The following FRMPD4 variants were observed in gnomAD, a reference collection of about 807,000 sequenced individuals.
FRMPD4 encodes FERM and PDZ domain containing 4.
Under a neutral mutation model 94.1 loss-of-function variants are expected in FRMPD4, and 22 were observed. The observed-to-expected ratio is 0.23, with a 90% CI of 0.17 to 0.33. The LOEUF (loss-of-function observed/expected upper bound fraction) is 0.33, where lower values mean the gene tolerates loss of function less well. FRMPD4 is among the 10% of genes least tolerant of loss of function. The pLI is 1.00. For synonymous variants in FRMPD4, 631 were observed against 548.6 expected, an observed-to-expected ratio of 1.15 and a Z score of -2.10; for missense variants, 1,111 against 1,339.9, an observed-to-expected ratio of 0.83 and a Z score of 2.67.
intron 3 of FRMPD4, among the ~76,000 whole-genome samples, chrX:12,058,035 G>T (rs1017134036): frequency 5.4e-5 from 6 of 111,406 alleles, no homozygotes; most frequent in Non-Finnish European, 1.1e-4. Context: ...GAAGGGAGAT[G>T]AGGGAAATGT....
rs779020432 is a variant in FRMPD4, at chrX:12,609,919, G to C, written c.319+38G>C. ...TCCCAGTTCTTGGTTTCCTGGGAAT[G>C]TCTGCCACACTCTGCCAGAATAACT... On this transcript the variant is annotated intron_variant, in intron 3 of 16. Transcript: ENST00000675598. The C allele has an allele frequency of 3.6e-6, 4 of 1,121,982 alleles. No individual in the cohort carries two copies. The South Asian group carries it at 7.5e-5, about 21-fold the overall frequency. The allele number at this position is 1,121,982 out of a possible 1,213,427, so 92.5% of individuals were successfully genotyped here.
At chrX:11,849,575 G>C (rs891151098) in intron 1 of FRMPD4, among the ~76,000 whole-genome samples, 1 of 110,807 alleles carries the variant, frequency 9.0e-6, no homozygotes, top group African/African-American at 3.3e-5. Flanking sequence ...CAGACATGTG[G>C]ACCTGTGGAA....
At chrX:12,581,274 A>G (rs2058861774) in intron 2 of FRMPD4, among the ~76,000 whole-genome samples, 1 of 112,580 alleles carries the variant, frequency 8.9e-6, no homozygotes, top group Admixed American at 9.4e-5. Flanking sequence ...CTTGGCATAT[A>G]AAGAAACAGG....
intron 1 of FRMPD4, among the ~76,000 whole-genome samples, chrX:12,189,174 A>G (rs906538232): frequency 5.4e-5 from 6 of 111,871 alleles, no homozygotes; most frequent in East Asian, 2.8e-4. Context: ...GGAAACCTAG[A>G]TGAAATGCAA....
chrX:12,064,354 G>T lies in FRMPD4; in HGVS notation c.95+186336G>T, dbSNP rs1220640120. On this transcript the variant is annotated intron_variant, in intron 3 of 18. Coordinates refer to the FRMPD4 transcript ENST00000640291. ...GGGATTTGAACCAAATTTTGTGGCA[G>T]CAGGGGAAAATTCATGAGAGAGTAC... 1.8e-5 allele frequency among the ~76,000 whole-genome samples: 2 copies of T among 111,995 alleles called. 1 individual carries two copies. The highest frequency in any genetic ancestry group is 3.8e-5 in the Non-Finnish European group (2 of 53,200).
At chrX:12,401,932 A>C (rs759596424) in intron 1 of FRMPD4, among the ~76,000 whole-genome samples, 19 of 111,790 alleles carry the variant, frequency 1.7e-4, no homozygotes, top group Non-Finnish European at 3.2e-4. Context: ...CCAGAAGGTC[A>C]AGTCATGCTT....
intron 3 of FRMPD4, among the ~76,000 whole-genome samples, chrX:12,071,324 C>A (rs766790662): frequency 2.7e-5 from 3 of 111,091 alleles, no homozygotes; most frequent in African/African-American, 9.8e-5. Flanking sequence ...ATGACAGGAA[C>A]CATGACATAT....
chrX:12,065,863 A>AT (rs1346559851), intron 3 of FRMPD4, among the ~76,000 whole-genome samples: 1 of 111,878 alleles, frequency 8.9e-6, no homozygotes, highest in Non-Finnish European at 1.9e-5. Flanking sequence ...GAAATTACTC[A>AT]TTTTTTCAGT....
chrX:11,829,687 C>G (rs2147271904), intron 1 of FRMPD4, among the ~76,000 whole-genome samples: 1 of 111,794 alleles, frequency 8.9e-6, no homozygotes, highest in African/African-American at 3.2e-5. Flanking sequence ...TCTGAATTTC[C>G]TCTGTAATAA....
At chrX:12,069,275 C>T (rs2054946399) in intron 3 of FRMPD4, among the ~76,000 whole-genome samples, 1 of 111,530 alleles carries the variant, frequency 9.0e-6, no homozygotes, top group African/African-American at 3.3e-5. Flanking sequence ...GTACATTGGG[C>T]TGGTCATTAG....
intron 3 of FRMPD4, among the ~76,000 whole-genome samples, chrX:12,024,991 T>A (rs1199639132): frequency 1.8e-5 from 2 of 111,945 alleles, no homozygotes; most frequent in Non-Finnish European, 3.8e-5. Context: ...TGTCACTGTC[T>A]GCATCTTATT....
chrX:11,994,036 T>A (rs1278383512), intron 3 of FRMPD4, among the ~76,000 whole-genome samples: 1 of 111,460 alleles, frequency 9.0e-6, no homozygotes, highest in South Asian at 3.8e-4. Context: ...AAGGCCTGTC[T>A]TCATATAGAC....
chrX:12,677,456 C>G (rs905831563), intron 5 of FRMPD4, among the ~76,000 whole-genome samples: 1 of 96,160 alleles, frequency 1.0e-5, no homozygotes, highest in African/African-American at 3.9e-5. Flanking sequence ...TTGGATTTTA[C>G]TACAAGCAAG....
At chrX:12,345,006 G>A (rs1205635972) in intron 1 of FRMPD4, among the ~76,000 whole-genome samples, 2 of 112,372 alleles carry the variant, frequency 1.8e-5, no homozygotes, top group Non-Finnish European at 3.8e-5. Flanking sequence ...ATGAGTACAA[G>A]AAATTCCAGG....
At chrX:12,048,741 G>A (rs2054799925) in intron 3 of FRMPD4, among the ~76,000 whole-genome samples, 1 of 111,619 alleles carries the variant, frequency 9.0e-6, no homozygotes, top group Non-Finnish European at 1.9e-5. Flanking sequence ...ACTGAATAGG[G>A]AGTCCTTTCT....
chrX:12,542,706 A>G (rs1490139939), intron 2 of FRMPD4, among the ~76,000 whole-genome samples: 3 of 111,915 alleles, frequency 2.7e-5, no homozygotes, highest in African/African-American at 9.8e-5. Flanking sequence ...CAAGCTACCA[A>G]TGACTTTCTT....
chrX:12,357,967 G>A (rs560337707), intron 1 of FRMPD4, among the ~76,000 whole-genome samples: 6 of 111,737 alleles, frequency 5.4e-5, no homozygotes, highest in South Asian at 3.8e-4. Flanking sequence ...TGAACACTTC[G>A]TCTAGATGAA....
At chrX:11,941,677 G>A (rs1043627398) in intron 3 of FRMPD4, among the ~76,000 whole-genome samples, 4 of 112,366 alleles carry the variant, frequency 3.6e-5, no homozygotes, top group East Asian at 2.8e-4. Flanking sequence ...GAAGAAATCC[G>A]GTCGGCTTCA....
chrX:12,546,543 G>A (rs921395922), intron 2 of FRMPD4, among the ~76,000 whole-genome samples: 4 of 111,801 alleles, frequency 3.6e-5, no homozygotes, highest in African/African-American at 1.3e-4. Flanking sequence ...GTGTCCTTAT[G>A]ACCAGTGTTT....
Sources: gnomAD v4.1 joint callset for allele counts (sites outside exome capture counted in the v4.1 genomes callset) on GRCh38, gnomAD v4.1.1 for gene constraint, MANE v1.5 for transcripts, NCBI Gene and HGNC (gene_info 2026-07-23, HGNC 2026-07-21) for gene names.